MYRF: variants seen among roughly 807,000 people sequenced by gnomAD.
MYRF encodes the protein myelin regulatory factor, also known as myelin gene regulatory factor.
A neutral mutation model predicts 126.3 loss-of-function variants in MYRF; 16 were observed. The observed-to-expected ratio is 0.13, with a 90% CI of 0.09 to 0.19. The LOEUF (loss-of-function observed/expected upper bound fraction) is 0.19, where lower values mean the gene tolerates loss of function less well. MYRF is among the 10% of genes least tolerant of loss of function. The pLI is 1.00. For synonymous variants in MYRF, 608 were observed against 635.3 expected (o/e 0.96, Z 0.65); for missense variants, 1,104 against 1,547.0 (o/e 0.71, Z 4.80).
chr11:61,752,916 A>C, intron 1 of MYRF, 126 bp downstream of exon 1: 1 of 933,984 alleles, frequency 1.1e-6, no homozygotes, highest in Non-Finnish European at 1.5e-6. Context: ...TCAGGCTGGC[A>C]CCAGCCCGCC....
chr11:61,761,261 G>GGA (rs1555053533), intron 1 of MYRF, among the ~76,000 whole-genome samples: 12 of 120,932 alleles, frequency 9.9e-5, no homozygotes, highest in Middle Eastern at 5.4e-3. Context: ...ACAGCTGGTG[G>GGA]GGGGGGGGGC....
intron 1 of MYRF, among the ~76,000 whole-genome samples, chr11:61,756,621 T>G (rs7940912): frequency 1.9e-4 from 13 of 68,464 alleles, no homozygotes; most frequent in East Asian, 4.3e-4. Context: ...AGGGCAGGGG[T>G]GGGGGGTGGG....
intron 1 of MYRF, among the ~76,000 whole-genome samples, chr11:61,762,285 C>T (rs1389551911): frequency 6.6e-6 from 1 of 152,016 alleles, no homozygotes; most frequent in African/African-American, 2.4e-5. Flanking sequence ...TGCCAGAGGG[C>T]TCCGGGTGTC....
chr11:61,760,002 T>C (rs1210091810), intron 1 of MYRF, among the ~76,000 whole-genome samples: 1 of 151,634 alleles, frequency 6.6e-6, no homozygotes, highest in African/African-American at 2.4e-5. Flanking sequence ...AGAGTCTCAC[T>C]CTGTCGCCCA....
At position 61,781,259 on chromosome 11, in the gene MYRF, T is replaced by C. The variant is rs766016625; in HGVS notation, c.2694T>C (p.Pro898=). 12 of 1,614,142 alleles carry C rather than the reference T, an allele frequency of 7.4e-6. No homozygotes were observed. The highest frequency in any genetic ancestry group is 1.0e-5 in the Non-Finnish European group (12 of 1,180,024). ...CCACTACCAACCCTACCACTGGTCC[T>C]AGTCTTGGCCCCAGCTTTAACCCTG... ...SSPTTNPTTG[P]SLGPSFNPGH... The change falls in exon 21 of 27, where the codon CCT becomes CCC. Residue 898 remains proline, a synonymous_variant. Transcript: ENST00000278836.
At chr11:61,768,189 T>C (rs1207043531) in intron 3 of MYRF, among the ~76,000 whole-genome samples, 4 of 151,284 alleles carry the variant, frequency 2.6e-5, no homozygotes, top group Non-Finnish European at 5.9e-5. Context: ...GAAGCCTAAC[T>C]GGGGAGAGGT....
rs1439973894 is a variant in MYRF at position 61,752,715 on chromosome 11, C to T, written c.-30C>T. 3 of 1,422,154 alleles carry T rather than the reference C, an allele frequency of 2.1e-6. No individual in the cohort carries two copies. Among genetic ancestry groups the T allele is most frequent in the Non-Finnish European group, 2.7e-6 (3 of 1,092,872 alleles). 88.1% of individuals were successfully genotyped at this position (1,422,154 alleles called of 1,614,324 possible). A position where few individuals can be genotyped will look rare whatever the true frequency, so the allele number is the denominator to read the frequency against. On this transcript the variant is annotated 5_prime_UTR_variant, in exon 1 of 27. Transcript: ENST00000278836. The stretch of plus-strand genomic sequence containing the variant: ...CCCGGGCCGGGCTGTAGCGGGGCCG[C>T]GGCTGGAGTGTGCGCCGGGCAGGCG...
intron 18 of MYRF, 49 bp downstream of exon 18, chr11:61,780,339 G>A (rs371735650): frequency 5.9e-6 from 9 of 1,525,152 alleles, no homozygotes; most frequent in Non-Finnish European, 8.1e-6. Flanking sequence ...TGGGGCTTTG[G>A]TGGGCAGTCC....
rs2066379819 is a variant in MYRF at position 61,776,269 on chromosome 11, G to A, written c.1389-53G>A. The A allele has an allele frequency of 3.8e-6, 6 of 1,575,142 alleles. No homozygotes were observed. In the Admixed American group the frequency reaches 1.0e-4, roughly 27 times the overall value. On this transcript the variant is annotated intron_variant, in intron 9 of 26. Coordinates refer to ENST00000278836, the MANE Select transcript of MYRF (RefSeq NM_001127392.3). This position sits in a 1 kb window ranked among gnomAD's most constrained non-coding sequence, Gnocchi z 4.3. ...TGGCCTGGGTGCCCCTCAGTGGCGT[G>A]GCTCTTGCAGCCTCCCTCCCTGCCC...
chr11:61,755,245 C>A, intron 1 of MYRF: 1 of 859,460 alleles, frequency 1.2e-6, no homozygotes, highest in Non-Finnish European at 1.8e-6. Flanking sequence ...CTGCCCTGTG[C>A]CGGTGGTGGG....
At chr11:61,769,426 A>G (rs983556667) in intron 4 of MYRF, 105 bp downstream of exon 4, 6 of 831,826 alleles carry the variant, frequency 7.2e-6, no homozygotes, top group African/African-American at 5.1e-5. Context: ...CGGCTGCCCA[A>G]CGGGCTGAGA....
chr11:61,762,579 G>T (rs2065928342), intron 1 of MYRF, among the ~76,000 whole-genome samples: 1 of 152,196 alleles, frequency 6.6e-6, no homozygotes, highest in South Asian at 2.1e-4. Context: ...GTGCCCATGG[G>T]ACCCTGCCCC....
intron 1 of MYRF, among the ~76,000 whole-genome samples, chr11:61,761,266 G>GC (rs1189669643): frequency 1.3e-5 from 2 of 151,414 alleles, no homozygotes; most frequent in Non-Finnish European, 2.9e-5. Context: ...TGGTGGGGGG[G>GC]GGGGCACATA....
chr11:61,784,522 C>T, intron 25 of MYRF, 137 bp downstream of exon 25: 1 of 691,926 alleles, frequency 1.4e-6, no homozygotes, highest in South Asian at 1.9e-5. Context: ...CACTCTGGGG[C>T]CTGGGCCTCT....
intron 1 of MYRF, among the ~76,000 whole-genome samples, chr11:61,763,188 G>A (rs2065949788): frequency 6.6e-6 from 1 of 152,224 alleles, no homozygotes; most frequent in African/African-American, 2.4e-5. Context: ...GCAACCGCCA[G>A]TCACACTCTC....
chr11:61,772,087 A>T (rs1215084132), intron 7 of MYRF, 135 bp downstream of exon 7: 3 of 1,321,708 alleles, frequency 2.3e-6, no homozygotes, highest in Non-Finnish European at 3.1e-6. Context: ...CTCAGGGAAG[A>T]GCCAGGACTG....
intron 8 of MYRF, among the ~76,000 whole-genome samples, chr11:61,775,707 TGA>T (rs1375701237): frequency 6.7e-6 from 1 of 148,918 alleles, no homozygotes; most frequent in Non-Finnish European, 1.5e-5. Flanking sequence ...GGTGGGGCTG[TGA>T]GTGTGTGTGT....
intron 1 of MYRF, among the ~76,000 whole-genome samples, chr11:61,755,923 A>G (rs1191913774): frequency 6.6e-6 from 1 of 152,194 alleles, no homozygotes; most frequent in Non-Finnish European, 1.5e-5. Context: ...GAGCCCCACC[A>G]GGGCTGGAGG....
In MYRF at chr11:61,771,625, C is replaced by T; in HGVS notation, c.866C>T (p.Pro289Leu). 5.6e-6 allele frequency: 9 copies of T among 1,614,018 alleles called. No homozygotes were observed. The highest frequency in any genetic ancestry group is 7.6e-6 in the Non-Finnish European group (9 of 1,180,006). The change falls in exon 6 of 27, where the codon CCC becomes CTC. Residue 289 changes from proline to leucine, a missense_variant. This residue lies in a region of MYRF where 368 missense variants were observed against 403.9 expected (regional missense o/e 0.91). Coordinates refer to ENST00000278836, the MANE Select transcript of MYRF (RefSeq NM_001127392.3). ...PGTVTALPLHPTRAPSPPWPP... is the reference protein window; with the variant it reads ...PGTVTALPLHLTRAPSPPWPP... ...ACCGTGACAGCCCTGCCTCTGCACC[C>T]CACTCGAGCCCCATCGCCACCCTGG...
Sources: gnomAD v4.1 joint callset for allele counts (sites outside exome capture counted in the v4.1 genomes callset) on GRCh38, gnomAD v4.1.1 for gene constraint, gnomAD v4.1.1 regional missense constraint, Gnocchi (gnomAD v3.1) non-coding constraint, MANE v1.5 for transcripts, NCBI Gene and HGNC (gene_info 2026-07-23, HGNC 2026-07-21) for gene names.